NBN: variants seen among roughly 807,000 people sequenced by gnomAD.
NBN encodes Nijmegen breakage syndrome 1 (nibrin).
A neutral mutation model predicts 90.8 loss-of-function variants in NBN; 88 were observed. That is an observed-to-expected ratio of 0.97 (90% CI 0.82 to 1.16). The LOEUF (loss-of-function observed/expected upper bound fraction) is 1.16, where lower values mean the gene tolerates loss of function less well. NBN is among the 50% of genes most tolerant of loss of function. The pLI is 0.00. For synonymous variants in NBN, 328 were observed against 295.1 expected, an observed-to-expected ratio of 1.11 and a Z score of -1.14; for missense variants, 894 against 869.6, an observed-to-expected ratio of 1.03 and a Z score of -0.35.
chr8:89,968,604 T>TA (rs1811361127), intron 7 of NBN, among the ~76,000 whole-genome samples: 1 of 152,332 alleles, frequency 6.6e-6, no homozygotes, highest in East Asian at 1.9e-4. Flanking sequence ...ATTTTTTTTT[T>TA]AATGTATTAC....
rs1383351536 is a variant in NBN, at chr8:89,935,162, A to C, written c.*420T>G. On this transcript the variant is annotated 3_prime_UTR_variant, in exon 16 of 16. Transcript: ENST00000265433. ...GCATATGTTATGCTATCATTTGTGT[A>C]GGAAATTATTTAAAAATAGGAATTT... 1 of 265,326 alleles carries C rather than the reference A, an allele frequency of 3.8e-6. No individual in the cohort carries two copies. Among genetic ancestry groups the C allele is most frequent in the East Asian group, 5.6e-5 (1 of 17,958 alleles). The allele number at this position is 265,326 out of a possible 1,614,324, so 16.4% of individuals were successfully genotyped here. A position where few individuals can be genotyped will look rare whatever the true frequency, so the allele number is the denominator to read the frequency against.
chr8:89,971,846 T>C (rs1307926821), intron 5 of NBN, among the ~76,000 whole-genome samples: 1 of 152,196 alleles, frequency 6.6e-6, no homozygotes, highest in Admixed American at 6.5e-5. Flanking sequence ...TTTAATTTAA[T>C]GCTATAAGAA....
At chr8:89,967,110 T>C (rs923234897) in intron 7 of NBN, among the ~76,000 whole-genome samples, 9 of 152,176 alleles carry the variant, frequency 5.9e-5, no homozygotes, top group East Asian at 3.8e-4. Flanking sequence ...TGTGTGGAAT[T>C]TGCACTCTCC....
In NBN at chr8:89,935,628, T is replaced by C. The variant is rs1405688125; in HGVS notation, c.2235-16A>G. 3 of 1,603,296 alleles carry C rather than the reference T, an allele frequency of 1.9e-6. No homozygotes were observed. Among genetic ancestry groups the C allele is most frequent in the Middle Eastern group, 1.7e-4 (1 of 6,010 alleles). On this transcript the variant is annotated splice_polypyrimidine_tract_variant and intron_variant, in intron 15 of 15. Coordinates refer to ENST00000265433, the MANE Select transcript of NBN (RefSeq NM_002485.5). ...AGGATTGTATCTGCAAAGAAAGAAA[T>C]GGGGTTAAATGATATTTAGATAAGG...
Position 89,953,402 on chromosome 8 carries a change from A to G in NBN, c.1687T>C (p.Leu563=), listed in dbSNP as rs1466493008. The change falls in exon 11 of 16, where the codon TTG becomes CTG. Residue 563 remains leucine, a synonymous_variant. Coordinates refer to ENST00000265433, the MANE Select transcript of NBN (RefSeq NM_002485.5). ...MDDVAIEDEV[L]EQLFKDTKPE... is the part of the protein sequence containing the mutation. ...TTTGTGTCCTTGAATAACTGTTCCAATACTTCATCTTCTATGGCCACATCA... is the reference window on the plus strand; with the variant it reads ...TTTGTGTCCTTGAATAACTGTTCCAGTACTTCATCTTCTATGGCCACATCA... The G allele has an allele frequency of 6.2e-7, 1 of 1,613,738 alleles. No individual in the cohort carries two copies. Among genetic ancestry groups the G allele is most frequent in the Non-Finnish European group, 8.5e-7 (1 of 1,179,828 alleles).
chr8:89,952,446 C>G (rs958841162), intron 11 of NBN, among the ~76,000 whole-genome samples: 3 of 152,160 alleles, frequency 2.0e-5, no homozygotes, highest in African/African-American at 7.2e-5. Flanking sequence ...GATAACAATA[C>G]ACAGGCCAAA....
chr8:89,981,990 T>C (rs891986532), intron 2 of NBN: 9 of 1,202,310 alleles, frequency 7.5e-6, no homozygotes, highest in African/African-American at 3.2e-5. Context: ...ATTTCCAAAA[T>C]GTTTTTCTAT....
chr8:89,944,176 T>C (rs913368550), intron 13 of NBN, among the ~76,000 whole-genome samples: 7 of 152,076 alleles, frequency 4.6e-5, no homozygotes, highest in African/African-American at 9.7e-5. Flanking sequence ...CTGGTGACCA[T>C]GGAACAGGCC....
chr8:89,963,322 C>T (rs6985934), intron 8 of NBN, among the ~76,000 whole-genome samples: 6,343 of 152,252 alleles, frequency 0.042, 183 homozygotes, highest in South Asian at 0.097. Context: ...TGATGCTCCC[C>T]GGAGTGTGCA....
At chr8:89,936,617 CCTGCT>C (rs1809695973) in intron 15 of NBN, among the ~76,000 whole-genome samples, 1 of 152,120 alleles carries the variant, frequency 6.6e-6, no homozygotes, top group Non-Finnish European at 1.5e-5. Flanking sequence ...CCCACAAAAA[CCTGCT>C]TTGAAACTTT....
chr8:89,984,077 G>C (rs910761812), intron 1 of NBN: 2 of 190,716 alleles, frequency 1.0e-5, no homozygotes, highest in African/African-American at 4.7e-5. Flanking sequence ...AAAACTGAAA[G>C]TAAGCCTTTT....
chr8:89,953,912 C>A (rs1586055492), intron 10 of NBN, among the ~76,000 whole-genome samples: 2 of 152,104 alleles, frequency 1.3e-5, no homozygotes, highest in East Asian at 3.9e-4. Context: ...GTGGCTAAAG[C>A]AGTACGGTGA....
Position 89,943,252 on chromosome 8 carries a change from C to A in NBN, c.2184+1G>T, listed in dbSNP as rs756363734. On this transcript the variant is annotated splice_donor_variant, in intron 14 of 15. Transcript: ENST00000265433. LOFTEE classifies it high-confidence loss of function. ...GTTTCTGGGCCTCACTTCCTACTAA[C>A]CTCCATTTCCTGCCTTAGCCACTCT... 7 of 1,613,440 alleles carry A rather than the reference C, an allele frequency of 4.3e-6. No homozygotes were observed. The African/African-American group carries it at 9.3e-5, about 22-fold the overall frequency.
chr8:89,942,787 AC>A (rs1260553413), intron 14 of NBN, among the ~76,000 whole-genome samples: 5 of 152,204 alleles, frequency 3.3e-5, no homozygotes, highest in Admixed American at 3.3e-4. Flanking sequence ...AATTTAACTT[AC>A]GTTAAGTTGG....
intron 7 of NBN, among the ~76,000 whole-genome samples, chr8:89,967,100 T>G (rs1586080634): frequency 1.3e-5 from 2 of 152,340 alleles, no homozygotes; most frequent in African/African-American, 4.8e-5. Flanking sequence ...GGCCGCTGTC[T>G]GTGTGGAATT....
chr8:89,958,620 G>T, intron 9 of NBN, 105 bp downstream of exon 9: 2 of 1,340,886 alleles, frequency 1.5e-6, no homozygotes, highest in Non-Finnish European at 2.1e-6. Context: ...ATTCTTCCAT[G>T]CTTTCTCTCT....
At chr8:89,965,934 T>G (rs556637418) in intron 7 of NBN, among the ~76,000 whole-genome samples, 8 of 152,372 alleles carry the variant, frequency 5.3e-5, no homozygotes, top group African/African-American at 1.9e-4. Flanking sequence ...AAAACCTTTA[T>G]AATCAAGTGA....
chr8:89,954,395 T>C (rs1267017944), intron 10 of NBN, among the ~76,000 whole-genome samples: 1 of 152,130 alleles, frequency 6.6e-6, no homozygotes, highest in African/African-American at 2.4e-5. Context: ...GTTTTTGTAA[T>C]AATTTAGGTG....
intron 11 of NBN, among the ~76,000 whole-genome samples, chr8:89,948,373 T>G (rs1810293877): frequency 6.6e-6 from 1 of 152,220 alleles, no homozygotes; most frequent in Non-Finnish European, 1.5e-5. Flanking sequence ...AAGAAACATT[T>G]TAAAAGAATT....
Sources: gnomAD v4.1 joint callset for allele counts (sites outside exome capture counted in the v4.1 genomes callset) on GRCh38, gnomAD v4.1.1 for gene constraint, MANE v1.5 for transcripts, NCBI Gene and HGNC (gene_info 2026-07-23, HGNC 2026-07-21) for gene names.